UNC5D: variants seen among roughly 807,000 people sequenced by gnomAD.
The protein encoded by UNC5D is unc-5 netrin receptor D.
A neutral mutation model predicts 105.4 loss-of-function variants in UNC5D; 39 were observed. The observed-to-expected ratio is 0.37, with a 90% CI of 0.29 to 0.48. The LOEUF (loss-of-function observed/expected upper bound fraction) is 0.48. Ranked by LOEUF, UNC5D falls within the 20% of genes least tolerant of loss-of-function variation. The probability of loss-of-function intolerance (pLI) is 0.98; values close to 1 mark genes in which losing one functional copy is unlikely to be tolerated. For missense variants in UNC5D, 991 were observed against 1,202.4 expected (o/e 0.82, Z 2.60); for synonymous variants, 452 against 450.4 (o/e 1.00, Z -0.04).
At chr8:35,624,107 A>G (rs1377408935) in intron 4 of UNC5D, among the ~76,000 whole-genome samples, 1 of 152,074 alleles carries the variant, frequency 6.6e-6, no homozygotes, top group Non-Finnish European at 1.5e-5. Context: ...CATTAGTCTT[A>G]TTTTTCCTGT....
intron 1 of UNC5D, among the ~76,000 whole-genome samples, chr8:35,275,331 A>G (rs2037839): frequency 0.82 from 124,760 of 151,478 alleles, 51,771 homozygotes; most frequent in East Asian, 1. Context: ...CATAACAGAT[A>G]TCACCATCTG....
At position 35,731,111 on chromosome 8, in the gene UNC5D, A is replaced by C; in HGVS notation, c.1766+15A>C. Reference sequence around the variant, plus strand: ...GGTGAACCCAGGTGAGAGACAGAGAATAGCATATTAAAGAAAGTGGCTCAC... The same window carrying C: ...GGTGAACCCAGGTGAGAGACAGAGACTAGCATATTAAAGAAAGTGGCTCAC... On this transcript the variant is annotated intron_variant, in intron 11 of 16. Transcript: ENST00000404895. 1.2e-6 allele frequency: 2 copies of C among 1,612,508 alleles called. No individual in the cohort carries two copies. The highest frequency in any genetic ancestry group is 1.7e-4 in the Middle Eastern group (1 of 6,060).
intron 1 of UNC5D, among the ~76,000 whole-genome samples, chr8:35,473,767 T>C (rs1432902543): frequency 6.6e-6 from 1 of 152,190 alleles, no homozygotes; most frequent in African/African-American, 2.4e-5. Flanking sequence ...TGGCTATTTA[T>C]GGGGTGTGTG....
intron 1 of UNC5D, among the ~76,000 whole-genome samples, chr8:35,462,703 A>G (rs1009676132): frequency 2.6e-5 from 4 of 152,244 alleles, no homozygotes; most frequent in Non-Finnish European, 1.5e-5. Flanking sequence ...AAAGAAAGTC[A>G]TATCAAGGAA....
At chr8:35,381,295 G>C (rs1000892491) in intron 1 of UNC5D, among the ~76,000 whole-genome samples, 2 of 152,144 alleles carry the variant, frequency 1.3e-5, no homozygotes, top group Non-Finnish European at 2.9e-5. Flanking sequence ...TTTGCCTTTA[G>C]AGTCCAAATA....
At chr8:35,327,857 G>A (rs189850981) in intron 1 of UNC5D, among the ~76,000 whole-genome samples, 143 of 152,258 alleles carry the variant, frequency 9.4e-4, no homozygotes, top group African/African-American at 3.2e-3. Context: ...CCAGAGATTC[G>A]GATGTTTGAG....
At chr8:35,449,350 T>A (rs2128989863) in intron 1 of UNC5D, among the ~76,000 whole-genome samples, 1 of 152,172 alleles carries the variant, frequency 6.6e-6, no homozygotes, top group South Asian at 2.1e-4. Context: ...TTCCATGTCC[T>A]CTCTGTTATT....
chr8:35,284,692 C>G (rs1457368990), intron 1 of UNC5D, among the ~76,000 whole-genome samples: 1 of 152,052 alleles, frequency 6.6e-6, no homozygotes, highest in Non-Finnish European at 1.5e-5. Flanking sequence ...ATAGCTGATA[C>G]TACAGGCACC....
chr8:35,757,591 T>G (rs1046546948), intron 13 of UNC5D, among the ~76,000 whole-genome samples: 1 of 152,206 alleles, frequency 6.6e-6, no homozygotes, highest in Non-Finnish European at 1.5e-5. Flanking sequence ...ATAGATACTA[T>G]ATTAGAACAA....
intron 1 of UNC5D, among the ~76,000 whole-genome samples, chr8:35,300,574 C>A (rs1807878650): frequency 3.4e-5 from 5 of 146,112 alleles, no homozygotes. Flanking sequence ...AATAAATGAA[C>A]TTCACTGTAT....
In UNC5D at chr8:35,593,046, T is replaced by TACACACACACAC. The variant is rs200962371; in HGVS notation, c.467-2478_467-2467dup. On this transcript the variant is annotated intron_variant, in intron 3 of 16. Coordinates refer to ENST00000404895, the MANE Select transcript of UNC5D (RefSeq NM_080872.4). ...TAGGTCCCACTGTCAGTAGTTTTTATACACACACACACACACACACACACA... is the reference window on the plus strand; with the variant it reads ...TAGGTCCCACTGTCAGTAGTTTTTATACACACACACACACACACACACACACACACACACACA... Among the ~76,000 whole-genome samples, 77 of 141,226 alleles carry TACACACACACAC rather than the reference T, an allele frequency of 5.5e-4. 1 individual carries two copies. Among genetic ancestry groups the TACACACACACAC allele is most frequent in the African/African-American group, 1.9e-3 (75 of 38,878 alleles). The allele number at this position is 141,226 out of a possible 152,430, so 92.6% of individuals were successfully genotyped here.
chr8:35,557,046 A>G (rs780267241), intron 2 of UNC5D, among the ~76,000 whole-genome samples: 54 of 152,352 alleles, frequency 3.5e-4, no homozygotes, highest in Non-Finnish European at 6.6e-4. Flanking sequence ...TTGAAGCAAC[A>G]GGATTGGAAA....
At chr8:35,557,537 C>T (rs752387922) in intron 2 of UNC5D, among the ~76,000 whole-genome samples, 9 of 152,176 alleles carry the variant, frequency 5.9e-5, no homozygotes, top group Non-Finnish European at 1.2e-4. Context: ...ATTTAATTTA[C>T]TACTTTCAGT....
intron 4 of UNC5D, among the ~76,000 whole-genome samples, chr8:35,669,723 A>G (rs1273467589): frequency 6.6e-6 from 1 of 152,054 alleles, no homozygotes; most frequent in Non-Finnish European, 1.5e-5. Flanking sequence ...AGCTCTTTAA[A>G]TGTTTTCAGT....
chr8:35,462,810 G>C (rs1563442342), intron 1 of UNC5D, among the ~76,000 whole-genome samples: 1 of 152,168 alleles, frequency 6.6e-6, no homozygotes, highest in African/African-American at 2.4e-5. Context: ...ATTGATGGGT[G>C]TAATCAAAGA....
At chr8:35,706,320 A>G (rs1192816241) in intron 8 of UNC5D, among the ~76,000 whole-genome samples, 1 of 152,200 alleles carries the variant, frequency 6.6e-6, no homozygotes, top group African/African-American at 2.4e-5. Context: ...AAGCCTGACT[A>G]CAAGTCTCTC....
intron 1 of UNC5D, among the ~76,000 whole-genome samples, chr8:35,491,658 G>T (rs1221900670): frequency 2.0e-5 from 3 of 152,012 alleles, no homozygotes; most frequent in African/African-American, 7.2e-5. Context: ...GGAAATACTT[G>T]TTACTGGTTT....
At chr8:35,437,817 G>C (rs1374747473) in intron 1 of UNC5D, among the ~76,000 whole-genome samples, 3 of 151,110 alleles carry the variant, frequency 2.0e-5, no homozygotes, top group Admixed American at 1.3e-4. Flanking sequence ...TTGCTGCTTT[G>C]TGAATTTAGT....
At position 35,235,479 on chromosome 8, in the gene UNC5D, A is replaced by G. The variant is rs1163857614; in HGVS notation, c.-306A>G. ...ATGCGGACTCTCGCCTCCGCTCCGT[A>G]GTTCGGGGCCCGGCAGCGGCGCGAG... On this transcript the variant is annotated 5_prime_UTR_variant, in exon 1 of 17. Coordinates refer to ENST00000404895, the MANE Select transcript of UNC5D (RefSeq NM_080872.4). The G allele has an allele frequency of 7.6e-6, 2 of 262,286 alleles. No individual in the cohort carries two copies. Among genetic ancestry groups the G allele is most frequent in the African/African-American group, 2.2e-5 (1 of 45,004 alleles). The allele number at this position is 262,286 out of a possible 1,614,324, so 16.2% of individuals were successfully genotyped here.
Sources: allele counts gnomAD v4.1 joint callset (sites outside exome capture counted in the v4.1 genomes callset), GRCh38; gene constraint gnomAD v4.1.1; transcripts MANE v1.5; gene names NCBI Gene and HGNC (gene_info 2026-07-23, HGNC 2026-07-21).